The following USH2A variants were observed in gnomAD, a reference collection of about 807,000 sequenced individuals.
The protein encoded by USH2A is usherin.
USH2A carries 443 observed loss-of-function variants against 538.9 expected under a neutral mutation model. The observed-to-expected ratio is 0.82, with a 90% CI of 0.76 to 0.89. The LOEUF (loss-of-function observed/expected upper bound fraction) is 0.89. USH2A is among the 40% of genes least tolerant of loss of function. USH2A has a pLI of 0.00. For missense variants in USH2A, 6,633 were observed against 6,324.8 expected, an observed-to-expected ratio of 1.05 and a Z score of -1.65; for synonymous variants, 2,413 against 2,273.5, an observed-to-expected ratio of 1.06 and a Z score of -1.75.
At chr1:215,697,752 C>T (rs931524305) in intron 61 of USH2A, among the ~76,000 whole-genome samples, 10 of 152,272 alleles carry the variant, frequency 6.6e-5, no homozygotes, top group Middle Eastern at 3.4e-3. Context: ...AACTCCCAAC[C>T]TCAGGTGATC....
intron 70 of USH2A, among the ~76,000 whole-genome samples, chr1:215,629,768 CTTTTCTTTTTTTTT>C (rs1214294141): frequency 1.4e-5 from 2 of 138,836 alleles, no homozygotes; most frequent in Non-Finnish European, 3.1e-5. Context: ...TTTTTCTTTT[CTTTTCTTTTTTTTT>C]TTTTTTTTTT....
chr1:216,135,173 CACACAT>C (rs756292188), intron 21 of USH2A, among the ~76,000 whole-genome samples: 10,850 of 145,164 alleles, frequency 0.075, 479 homozygotes, highest in East Asian at 0.16. Context: ...CTCTCACACA[CACACAT>C]ACACACACAC....
At chr1:215,737,456 T>G (rs980965911) in intron 60 of USH2A, among the ~76,000 whole-genome samples, 1 of 151,958 alleles carries the variant, frequency 6.6e-6, no homozygotes, top group African/African-American at 2.4e-5. Flanking sequence ...CTTGATGAAG[T>G]GTTCCATGAA....
chr1:216,025,784 T>C (rs868327138), intron 32 of USH2A, among the ~76,000 whole-genome samples: 12 of 152,114 alleles, frequency 7.9e-5, no homozygotes, highest in African/African-American at 2.9e-4. Context: ...AAATTATCTA[T>C]ATAGTCTTTT....
chr1:216,387,237 G>A (rs1040261979), intron 3 of USH2A, among the ~76,000 whole-genome samples: 1 of 152,174 alleles, frequency 6.6e-6, no homozygotes, highest in Non-Finnish European at 1.5e-5. Flanking sequence ...AAGGAAAACA[G>A]TCAATGACTT....
chr1:216,233,831 G>C (rs1484513261), intron 13 of USH2A, among the ~76,000 whole-genome samples: 1 of 152,136 alleles, frequency 6.6e-6, no homozygotes, highest in Non-Finnish European at 1.5e-5. Flanking sequence ...AGGCATATGA[G>C]GGAGAAATGG....
intron 47 of USH2A, among the ~76,000 whole-genome samples, chr1:215,837,633 AT>A (rs201650178): frequency 1.3e-5 from 2 of 151,892 alleles, no homozygotes; most frequent in African/African-American, 2.4e-5. Context: ...ATATAAATCA[AT>A]TTTTTTTCAA....
chr1:216,348,169 A>G (rs2038214549), intron 4 of USH2A, among the ~76,000 whole-genome samples: 1 of 152,170 alleles, frequency 6.6e-6, no homozygotes, highest in South Asian at 2.1e-4. Context: ...TTTAGAAACT[A>G]TTTGTGAGTA....
chr1:216,096,968 G>A (rs2032454764), intron 22 of USH2A, 115 bp downstream of exon 22: 13 of 1,115,280 alleles, frequency 1.2e-5, no homozygotes, highest in Admixed American at 4.5e-5. Context: ...GATAATAATA[G>A]TACTTACCTT....
Position 216,198,509 on chromosome 1 carries a change from A to C in USH2A, c.3887T>G (p.Val1296Gly). ...ACTGAGCCAACCACTGCTCTGAAAA[A>C]CTCGACTTTCCTCAGATGTGGTTTC... ...TKETTSEESR[V>G]FQSSGWLSPH... The change falls in exon 18 of 72, where the codon GTT becomes GGT. Residue 1296 changes from valine to glycine, a missense_variant. By Grantham distance (109) the Val-to-Gly change is moderately radical. Coordinates refer to ENST00000307340, the MANE Select transcript of USH2A (RefSeq NM_206933.4). 6.2e-7 allele frequency: 1 copy of C among 1,613,350 alleles called. No individual in the cohort carries two copies. Among genetic ancestry groups the C allele is most frequent in the Non-Finnish European group, 8.5e-7 (1 of 1,179,790 alleles).
At chr1:216,329,162 C>T (rs1165064609) in intron 4 of USH2A, among the ~76,000 whole-genome samples, 2 of 152,094 alleles carry the variant, frequency 1.3e-5, no homozygotes, top group Admixed American at 6.6e-5. Context: ...GTTATGAAGA[C>T]AAAACTAAAT....
intron 41 of USH2A, among the ~76,000 whole-genome samples, chr1:215,888,077 G>T (rs547588219): frequency 1.3e-5 from 2 of 152,272 alleles, no homozygotes; most frequent in Admixed American, 1.3e-4. Context: ...GGAAAATTTT[G>T]TTAATATGCT....
intron 9 of USH2A, among the ~76,000 whole-genome samples, chr1:216,308,550 A>G (rs1197929427): frequency 6.6e-6 from 1 of 152,154 alleles, no homozygotes. Flanking sequence ...TGCTTAATTT[A>G]AATGTTACCT....
chr1:215,786,372 A>G (rs1208113399), intron 52 of USH2A, among the ~76,000 whole-genome samples: 3 of 152,214 alleles, frequency 2.0e-5, no homozygotes, highest in African/African-American at 7.2e-5. Flanking sequence ...GAAAAAGGAA[A>G]TTGGATTTAT....
chr1:216,335,783 T>A (rs1024525357), intron 4 of USH2A, among the ~76,000 whole-genome samples: 25 of 151,662 alleles, frequency 1.6e-4, no homozygotes, highest in African/African-American at 4.8e-4. Flanking sequence ...AGTAATTTTT[T>A]AAAAATTTCC....
At chr1:216,011,656 A>T (rs1668573707) in intron 32 of USH2A, among the ~76,000 whole-genome samples, 1 of 152,062 alleles carries the variant, frequency 6.6e-6, no homozygotes, top group African/African-American at 2.4e-5. Context: ...CGGCTGCTGC[A>T]GCCCTAATAC....
chr1:215,983,169 TTGAACTCCTGA>T lies in USH2A; in HGVS notation c.6805+9840_6805+9850del, dbSNP rs1162491457. On this transcript the variant is annotated intron_variant, in intron 35 of 71. Coordinates refer to ENST00000307340, the MANE Select transcript of USH2A (RefSeq NM_206933.4). ...TTTCGCCATGTTGGCCAGGCTGGTC[TTGAACTCCTGA>T]TGAACTCCTGACCCCAGGTGATACA... 2.6e-5 allele frequency among the ~76,000 whole-genome samples: 4 copies of T among 152,258 alleles called. No homozygotes were observed. In the East Asian group the frequency reaches 7.7e-4, roughly 29 times the overall value.
In USH2A at chr1:215,680,403, G is replaced by GT. The variant is rs766777775; in HGVS notation, c.12067-28dup. 17 of 1,478,808 alleles carry GT rather than the reference G, an allele frequency of 1.1e-5. No homozygotes were observed. The African/African-American group carries it at 3.2e-4, about 28-fold the overall frequency. 91.6% of individuals were successfully genotyped at this position (1,478,808 alleles called of 1,614,324 possible). On this transcript the variant is annotated intron_variant, in intron 61 of 71. Coordinates refer to ENST00000307340, the MANE Select transcript of USH2A (RefSeq NM_206933.4). ...TGTAAGAAAATTAACAGGTTAAGTT[G>GT]TTGTTTTTTTTTTTTGAAACTGACA...
At chr1:215,996,566 T>G (rs867152948) in intron 34 of USH2A, among the ~76,000 whole-genome samples, 436 of 35,702 alleles carry the variant, frequency 0.012, no homozygotes, top group African/African-American at 0.033. Flanking sequence ...TTATGTTTTT[T>G]TTTTTTTTTT....
Sources: allele counts gnomAD v4.1 joint callset (sites outside exome capture counted in the v4.1 genomes callset), GRCh38; gene constraint gnomAD v4.1.1; transcripts MANE v1.5; gene names NCBI Gene and HGNC (gene_info 2026-07-23, HGNC 2026-07-21).